The following IKBKB variants were observed in gnomAD, a reference collection of about 807,000 sequenced individuals.
IKBKB encodes inhibitor of nuclear factor kappa B kinase subunit beta, also known as inhibitor of nuclear factor kappa-B kinase subunit beta.
A neutral mutation model predicts 113.6 loss-of-function variants in IKBKB; 42 were observed. The observed-to-expected ratio is 0.37, with a 90% CI of 0.29 to 0.48. IKBKB has a LOEUF of 0.48. Ranked by LOEUF, IKBKB falls within the 20% of genes least tolerant of loss-of-function variation. IKBKB has a pLI of 0.99. For missense variants in IKBKB, 673 were observed against 939.7 expected (o/e 0.72, Z 3.71); for synonymous variants, 296 against 361.3 (o/e 0.82, Z 2.05).
chr8:42,289,084 C>T (rs965722521), intron 3 of IKBKB, among the ~76,000 whole-genome samples: 2 of 152,038 alleles, frequency 1.3e-5, no homozygotes, highest in African/African-American at 2.4e-5. Flanking sequence ...GGCATGGTGG[C>T]GGGCGCTGTA....
chr8:42,307,455 G>A (rs1231973644), intron 7 of IKBKB, among the ~76,000 whole-genome samples: 1 of 152,224 alleles, frequency 6.6e-6, no homozygotes, highest in Non-Finnish European at 1.5e-5. Flanking sequence ...ACTGTGTGGA[G>A]AAGGAATCAC....
rs551526017 is a variant in IKBKB, at chr8:42,298,446, T to C, written c.388+4934T>C. ...GAACAGAGGGTTTCAGAGAAAACAT[T>C]TGGCTTTGGGGAAGAGAGCTCCATT... is the stretch of plus-strand genomic sequence containing the variant. On this transcript the variant is annotated intron_variant, in intron 5 of 21. Coordinates refer to ENST00000520810, the MANE Select transcript of IKBKB (RefSeq NM_001556.3). The C allele has an allele frequency of 9.1e-6, 9 of 985,290 alleles. No homozygotes were observed. In the African/African-American group the frequency reaches 1.6e-4, roughly 17 times the overall value. The allele number at this position is 985,290 out of a possible 1,614,324, so 61.0% of individuals were successfully genotyped here. A position where few individuals can be genotyped will look rare whatever the true frequency, so the allele number is the denominator to read the frequency against.
intron 11 of IKBKB, chr8:42,317,209 T>TA (rs35978252): frequency 0.66 from 194,526 of 295,954 alleles, 58,524 homozygotes; most frequent in African/African-American, 0.84. Flanking sequence ...CCAAGTGTAC[T>TA]AAAAAAAAAA....
In IKBKB at chr8:42,331,782, A is replaced by G; in HGVS notation, c.*803A>G. 3.2e-6 allele frequency: 1 copy of G among 309,344 alleles called. No homozygotes were observed. The highest frequency in any genetic ancestry group is 3.2e-5 in the South Asian group (1 of 31,744). 19.2% of individuals were successfully genotyped at this position (309,344 alleles called of 1,614,324 possible). A position where few individuals can be genotyped will look rare whatever the true frequency, so the allele number is the denominator to read the frequency against. ...GTCACAGAGGAGGGACAGAAAGGGT[A>G]TCTGCTGACCACCAGCCTGCCTACC... On this transcript the variant is annotated 3_prime_UTR_variant, in exon 22 of 22. Coordinates refer to ENST00000520810, the MANE Select transcript of IKBKB (RefSeq NM_001556.3).
intron 4 of IKBKB, among the ~76,000 whole-genome samples, chr8:42,292,962 C>T (rs73622143): frequency 1.3e-5 from 2 of 152,192 alleles, no homozygotes; most frequent in African/African-American, 4.8e-5. Flanking sequence ...CTGTGCAGAG[C>T]TCTTCCGGCC....
Position 42,299,685 on chromosome 8 carries a change from C to T in IKBKB, c.389-5502C>T, listed in dbSNP as rs17875693. On this transcript the variant is annotated intron_variant, in intron 5 of 21. Transcript: ENST00000520810. ...CAGAACCTACCCGCCAGCCTCCGTGCGTGATTCCAAACCCACCTGTCCCTT... is the reference window on the plus strand; with the variant it reads ...CAGAACCTACCCGCCAGCCTCCGTGTGTGATTCCAAACCCACCTGTCCCTT... Among the ~76,000 whole-genome samples, 333 of 152,272 alleles carry T rather than the reference C, an allele frequency of 2.2e-3. 2 individuals are homozygous for T. The highest frequency in any genetic ancestry group is 7.6e-3 in the African/African-American group (314 of 41,540).
chr8:42,327,354 G>A (rs1378723475), intron 20 of IKBKB, among the ~76,000 whole-genome samples: 3 of 96,546 alleles, frequency 3.1e-5, no homozygotes, highest in Non-Finnish European at 4.4e-5. Flanking sequence ...TTTTTTTTGA[G>A]ACAGACTCTT....
At chr8:42,285,988 G>A (rs1263838680) in intron 2 of IKBKB, among the ~76,000 whole-genome samples, 1 of 152,182 alleles carries the variant, frequency 6.6e-6, no homozygotes, top group Non-Finnish European at 1.5e-5. Context: ...AAAGTGTGCC[G>A]TGGTTTTGGT....
chr8:42,312,096 C>T (rs926442438), intron 8 of IKBKB, among the ~76,000 whole-genome samples: 4 of 152,176 alleles, frequency 2.6e-5, no homozygotes, highest in Admixed American at 2.6e-4. Flanking sequence ...CCGTGTTAGC[C>T]AGGATGGTCT....
intron 8 of IKBKB, 80 bp downstream of exon 8, chr8:42,309,105 C>G: frequency 1.4e-6 from 2 of 1,453,496 alleles, no homozygotes; most frequent in Non-Finnish European, 1.9e-6. Flanking sequence ...TCCCTGGCGC[C>G]CCATCACCGG....
intron 8 of IKBKB, among the ~76,000 whole-genome samples, chr8:42,310,421 C>T (rs1458879748): frequency 1.3e-5 from 2 of 152,138 alleles, no homozygotes; most frequent in South Asian, 4.1e-4. Flanking sequence ...GTGTTTGCTA[C>T]GTGTTCCAGT....
chr8:42,318,878 G>A, intron 13 of IKBKB: 1 of 568,674 alleles, frequency 1.8e-6, no homozygotes, highest in Non-Finnish European at 3.1e-6. Flanking sequence ...AGTGTGGTTG[G>A]CACAGGGTGA....
intron 4 of IKBKB, 86 bp from the exon 5 acceptor site, chr8:42,293,357 G>A (rs1813050685): frequency 6.4e-7 from 1 of 1,551,354 alleles, no homozygotes; most frequent in African/African-American, 1.4e-5. Context: ...TCAGCACTCT[G>A]GTCACATGGG....
In IKBKB at chr8:42,327,219, C is replaced by T. The variant is rs1457755017; in HGVS notation, c.2114+1122C>T. 2.0e-5 allele frequency among the ~76,000 whole-genome samples: 3 copies of T among 151,930 alleles called. No homozygotes were observed. In the East Asian group the frequency reaches 5.8e-4, roughly 29 times the overall value. On this transcript the variant is annotated intron_variant, in intron 20 of 21. Coordinates refer to ENST00000520810, the MANE Select transcript of IKBKB (RefSeq NM_001556.3). ...CCTTGGATACTTAATTTTCTCTTGG[C>T]TGTATGGCACGCGCTTGTAATCCTA... is the stretch of plus-strand genomic sequence containing the variant.
intron 5 of IKBKB, chr8:42,298,346 A>C (rs1457471623): frequency 2.0e-6 from 2 of 985,262 alleles, no homozygotes; most frequent in Non-Finnish European, 2.4e-6. Context: ...GCCTTTCGGG[A>C]ACCCACCCCT....
intron 2 of IKBKB, among the ~76,000 whole-genome samples, chr8:42,274,391 C>T (rs1808475890): frequency 6.6e-6 from 1 of 152,092 alleles, no homozygotes; most frequent in Non-Finnish European, 1.5e-5. Context: ...AATACTGTAA[C>T]TTATTCCACC....
intron 8 of IKBKB, chr8:42,309,351 G>A: frequency 5.1e-6 from 2 of 390,284 alleles, no homozygotes. Context: ...AATGCTGTGT[G>A]TTAGTAAACA....
chr8:42,306,024 C>T (rs1025366766), intron 6 of IKBKB, among the ~76,000 whole-genome samples: 1 of 152,224 alleles, frequency 6.6e-6, no homozygotes, highest in Admixed American at 6.5e-5. Context: ...GAGGCTGGCC[C>T]GGTCCTTCCT....
chr8:42,302,482 G>A (rs1388020522), intron 5 of IKBKB, among the ~76,000 whole-genome samples: 1 of 152,058 alleles, frequency 6.6e-6, no homozygotes, highest in Admixed American at 6.6e-5. Context: ...GAGAGATCTG[G>A]CACCACAGAT....
Sources: allele counts gnomAD v4.1 joint callset (sites outside exome capture counted in the v4.1 genomes callset), GRCh38; gene constraint gnomAD v4.1.1; transcripts MANE v1.5; gene names NCBI Gene and HGNC (gene_info 2026-07-23, HGNC 2026-07-21).